NINL: variants seen among roughly 807,000 people sequenced by gnomAD.
NINL encodes the protein ninein-like protein.
Under a neutral mutation model 160.3 loss-of-function variants are expected in NINL, and 153 were observed. The ratio of observed to expected loss-of-function variants is 0.95; its 90% CI spans 0.84 to 1.09. NINL has a LOEUF of 1.09. NINL is among the 50% of genes least tolerant of loss of function. NINL has a pLI of 0.00. For missense variants in NINL, 1,829 were observed against 1,764.0 expected, an observed-to-expected ratio of 1.04 and a Z score of -0.66; for synonymous variants, 800 against 734.8, an observed-to-expected ratio of 1.09 and a Z score of -1.43.
rs531346886 is a variant in NINL at position 25,479,891 on chromosome 20, C to T, written c.1917+270G>A. ...GCAAGGAGGGCTGGCCACGGCGCTG[C>T]GCTGCCTCAAGTATCCCCTTGTGAC... On this transcript the variant is annotated intron_variant, in intron 15 of 23. Coordinates refer to ENST00000278886, the MANE Select transcript of NINL (RefSeq NM_025176.6). Among the ~76,000 whole-genome samples the T allele has an allele frequency of 9.8e-5, 15 of 152,338 alleles. No individual in the cohort carries two copies. In the East Asian group the frequency reaches 1.7e-3, roughly 18 times the overall value.
intron 3 of NINL, among the ~76,000 whole-genome samples, chr20:25,513,268 T>TC (rs2064107553): frequency 6.6e-6 from 1 of 152,240 alleles, no homozygotes; most frequent in Admixed American, 6.5e-5. Context: ...TTACACTTTT[T>TC]CAAGCATATT....
intron 2 of NINL, among the ~76,000 whole-genome samples, chr20:25,523,064 C>G (rs1316874406): frequency 1.3e-5 from 2 of 152,076 alleles, no homozygotes; most frequent in Non-Finnish European, 2.9e-5. Context: ...TGCTCATCCT[C>G]CTGTATGTTT....
At chr20:25,517,540 G>A (rs1427798875) in intron 3 of NINL, among the ~76,000 whole-genome samples, 4 of 152,190 alleles carry the variant, frequency 2.6e-5, no homozygotes, top group South Asian at 2.1e-4. Flanking sequence ...CATCCATGGC[G>A]GGCACAGTGC....
intron 1 of NINL, among the ~76,000 whole-genome samples, chr20:25,530,241 A>G (rs1003861279): frequency 6.6e-6 from 1 of 152,252 alleles, no homozygotes; most frequent in African/African-American, 2.4e-5. Flanking sequence ...AGGCACACGC[A>G]CGTACATAAC....
rs965384935 is a variant in NINL, at chr20:25,489,858, T to A, written c.1596+17A>T. 1 of 1,611,798 alleles carries A rather than the reference T, an allele frequency of 6.2e-7. No individual in the cohort carries two copies. ...GGCCCTCCCCTCTGGAGGCAGACTG[T>A]CAGCAAAGGGACTCGCCTTGTCCTT... is the stretch of plus-strand genomic sequence containing the variant. On this transcript the variant is annotated intron_variant, in intron 12 of 23. Coordinates refer to ENST00000278886, the MANE Select transcript of NINL (RefSeq NM_025176.6).
At position 25,476,576 on chromosome 20, in the gene NINL, C is replaced by T; in HGVS notation, c.2715G>A (p.Arg905=). The T allele has an allele frequency of 6.3e-7, 1 of 1,599,524 alleles. No individual in the cohort carries two copies. Among genetic ancestry groups the T allele is most frequent in the East Asian group, 2.2e-5 (1 of 44,856 alleles). Residue 905 remains arginine (R), a synonymous_variant, in exon 17 of 24, where the codon AGG becomes AGA. Transcript: ENST00000278886. Reference sequence around the variant, plus strand: ...CTCCACAGGGCTGCATGCGTGACCACCTCTCTGAGGGGCCGTGGGATGCCG... The same window carrying T: ...CTCCACAGGGCTGCATGCGTGACCATCTCTCTGAGGGGCCGTGGGATGCCG... ...PAPASHGPSE[R]WSRMQPCGVD...
At chr20:25,546,083 T>C (rs1362136722) in intron 1 of NINL, among the ~76,000 whole-genome samples, 1 of 151,940 alleles carries the variant, frequency 6.6e-6, no homozygotes, top group East Asian at 1.9e-4. Context: ...TTCCCTAAAA[T>C]GCATAAGACA....
intron 1 of NINL, among the ~76,000 whole-genome samples, chr20:25,537,708 C>G (rs868024383): frequency 1.1e-3 from 170 of 152,290 alleles, no homozygotes; most frequent in African/African-American, 3.8e-3. Context: ...TGGGCTGCTG[C>G]AGGTGGAGGG....
chr20:25,519,583 C>T (rs763394575), intron 2 of NINL, among the ~76,000 whole-genome samples: 5 of 152,104 alleles, frequency 3.3e-5, no homozygotes, highest in Non-Finnish European at 7.3e-5. Context: ...GGAAATGACT[C>T]TGCTGTCCAT....
chr20:25,481,928 C>T lies in NINL; in HGVS notation c.1810+40G>A, dbSNP rs756063492. On this transcript the variant is annotated intron_variant, in intron 14 of 23. Coordinates refer to ENST00000278886, the MANE Select transcript of NINL (RefSeq NM_025176.6). Reference sequence around the variant, plus strand: ...TGGCTCTGGGCCTTGTTGTCAACAGCAGGCCTTGGGTCAGCCCCCTCCCAG... The same window carrying T: ...TGGCTCTGGGCCTTGTTGTCAACAGTAGGCCTTGGGTCAGCCCCCTCCCAG... 7.6e-6 allele frequency: 12 copies of T among 1,581,440 alleles called. No individual in the cohort carries two copies. The South Asian group carries it at 8.9e-5, about 12-fold the overall frequency.
intron 5 of NINL, chr20:25,509,612 C>A (rs1210743138): frequency 2.2e-6 from 1 of 455,054 alleles, no homozygotes; most frequent in Non-Finnish European, 4.4e-6. Context: ...CAGCTTCACA[C>A]CTGGGTAGTT....
At chr20:25,508,983 T>C (rs1174093309) in intron 5 of NINL, among the ~76,000 whole-genome samples, 2 of 152,212 alleles carry the variant, frequency 1.3e-5, no homozygotes, top group African/African-American at 4.8e-5. Context: ...GTGAGGCAGT[T>C]TGGAAATGTG....
In NINL at chr20:25,476,334, C is replaced by G. The variant is rs751654129; in HGVS notation, c.2957G>C (p.Trp986Ser). The stretch of plus-strand genomic sequence containing the variant: ...GGCCTGCTCCTGGGTGCCCCTGCTC[C>G]AGCTTCGTGCTCGCTCTTCCTGAAT... Reference protein sequence around the residue: ...QAIQEERARSWSRGTQEQASE... With the variant: ...QAIQEERARSSSRGTQEQASE... Residue 986 changes from tryptophan (W) to serine (S), a missense_variant, in exon 17 of 24, where the codon TGG (tryptophan) becomes TCG (serine). Trp to Ser is a radical substitution (Grantham distance 177, BLOSUM62 -3). Transcript: ENST00000278886. The G allele has an allele frequency of 3.1e-6, 5 of 1,612,632 alleles. No individual in the cohort carries two copies. The highest frequency in any genetic ancestry group is 4.2e-6 in the Non-Finnish European group (5 of 1,179,940).
intron 2 of NINL, among the ~76,000 whole-genome samples, chr20:25,525,637 A>G (rs2064345058): frequency 6.6e-6 from 1 of 152,144 alleles, no homozygotes; most frequent in African/African-American, 2.4e-5. Context: ...CTGGATGACA[A>G]AGTGAGACTG....
At chr20:25,581,188 C>G (rs1180478286) in intron 1 of NINL, among the ~76,000 whole-genome samples, 1 of 152,188 alleles carries the variant, frequency 6.6e-6, no homozygotes, top group African/African-American at 2.4e-5. Flanking sequence ...CGCCCGCAAT[C>G]CCATCATCGC....
At chr20:25,470,185 T>C in intron 17 of NINL, 90 bp from the exon 18 acceptor site, 2 of 955,856 alleles carry the variant, frequency 2.1e-6, no homozygotes, top group Non-Finnish European at 3.4e-6. Flanking sequence ...TCCTGAGAAC[T>C]GTGCGTCCCC....
In NINL at chr20:25,467,437, C is replaced by T. The variant is rs769497317; in HGVS notation, c.3375G>A (p.Lys1125=). The change falls in exon 19 of 24, where the codon AAG becomes AAA. Residue 1125 remains lysine, a synonymous_variant. Transcript: ENST00000278886. ...DAQRKEIEVL[K]KDKEKACSEM... Reference sequence around the variant, plus strand: ...CAGAGCAGGCCTTTTCCTTGTCTTTCTTTAAAACCTCAATTTCCTTCCTGT... The same window carrying T: ...CAGAGCAGGCCTTTTCCTTGTCTTTTTTTAAAACCTCAATTTCCTTCCTGT... 1.2e-6 allele frequency: 2 copies of T among 1,614,068 alleles called. No individual in the cohort carries two copies. The highest frequency in any genetic ancestry group is 3.3e-5 in the Admixed American group (2 of 60,028).
chr20:25,458,526 G>A lies in NINL; in HGVS notation c.3700C>T (p.Gln1234Ter), dbSNP rs1186440854. Residue 1234 changes from glutamine (Q) to a stop codon, truncating the protein, a stop_gained, in exon 22 of 24, where the codon CAG becomes TAG. Coordinates refer to ENST00000278886, the MANE Select transcript of NINL (RefSeq NM_025176.6). LOFTEE classifies it high-confidence loss of function. ...TGCCTCAGCCTCAGGTGAGCTCCCT[G>A]CACCTGCATGGGGAAGGGGAGACAG... ...QTLEESQDQV[Q>*]GAHLRLRQAQ... is the part of the protein sequence containing the mutation. 1.3e-6 allele frequency: 2 copies of A among 1,592,054 alleles called. No homozygotes were observed. Among genetic ancestry groups the A allele is most frequent in the East Asian group, 4.5e-5 (2 of 44,598 alleles).
intron 17 of NINL, among the ~76,000 whole-genome samples, 156 bp downstream of exon 17, chr20:25,475,887 C>T (rs370533069): frequency 2.6e-5 from 4 of 152,220 alleles, no homozygotes; most frequent in Non-Finnish European, 4.4e-5. Context: ...GGGCTCACAA[C>T]CCCTACTCAG....
Sources: allele counts gnomAD v4.1 joint callset (sites outside exome capture counted in the v4.1 genomes callset), GRCh38; gene constraint gnomAD v4.1.1; transcripts MANE v1.5; gene names NCBI Gene and HGNC (gene_info 2026-07-23, HGNC 2026-07-21).